The following TMPRSS3 variants were observed in gnomAD, a reference collection of about 807,000 sequenced individuals.
TMPRSS3 encodes the protein transmembrane serine protease 3, also known as transmembrane protease serine 3.
In TMPRSS3, 55 loss-of-function variants were observed where a neutral mutation model predicts 59.6. That is an observed-to-expected ratio of 0.92 (90% CI 0.74 to 1.16). The LOEUF (loss-of-function observed/expected upper bound fraction) is 1.16, where lower values mean the gene tolerates loss of function less well. Among genes scored for constraint, TMPRSS3 ranks in the 50% most tolerant of loss-of-function variants. The pLI is 0.00. For synonymous variants in TMPRSS3, 257 were observed against 237.7 expected (o/e 1.08, Z -0.75); for missense variants, 596 against 579.4 (o/e 1.03, Z -0.29).
Position 42,388,800 on chromosome 21 carries a change from C to A in TMPRSS3, c.322+129G>T. The A allele has an allele frequency of 1.0e-6, 1 of 995,272 alleles. No homozygotes were observed. Among genetic ancestry groups the A allele is most frequent in the South Asian group, 1.3e-5 (1 of 76,552 alleles). The allele number at this position is 995,272 out of a possible 1,614,324, so 61.7% of individuals were successfully genotyped here. ...GCCCAACATGTCTTTGGGCAAACGC[C>A]AGTTCAATCCCAGCTGAAGACATGA... is the stretch of plus-strand genomic sequence containing the variant. On this transcript the variant is annotated intron_variant, in intron 4 of 12. Coordinates refer to ENST00000644384, the MANE Select transcript of TMPRSS3 (RefSeq NM_001256317.3). The surrounding 1 kb of genome is among the most constrained non-coding windows in gnomAD (Gnocchi z 5.1).
chr21:42,385,204 C>T (rs1056734471), intron 6 of TMPRSS3, among the ~76,000 whole-genome samples: 2 of 151,618 alleles, frequency 1.3e-5, no homozygotes, highest in African/African-American at 2.4e-5. Context: ...TATTTCCTTC[C>T]CTTTCTTTAT....
rs148440072 is a variant in TMPRSS3, at chr21:42,388,005, G to A, written c.446+398C>T. 1.5e-3 allele frequency among the ~76,000 whole-genome samples: 224 copies of A among 152,318 alleles called. No homozygotes were observed. Among genetic ancestry groups the A allele is most frequent in the Middle Eastern group, 0.014 (4 of 294 alleles). Reference sequence around the variant, plus strand: ...GGTTCTGTGGGGTTCTTGGGGAAGCGTGCATGGACATTGATGTGACCGCCA... The same window carrying A: ...GGTTCTGTGGGGTTCTTGGGGAAGCATGCATGGACATTGATGTGACCGCCA... On this transcript the variant is annotated intron_variant, in intron 5 of 12. Coordinates refer to ENST00000644384, the MANE Select transcript of TMPRSS3 (RefSeq NM_001256317.3). This position sits in a 1 kb window ranked among gnomAD's most constrained non-coding sequence, Gnocchi z 5.1.
intron 2 of TMPRSS3, 150 bp downstream of exon 2, chr21:42,395,174 A>G (rs1265557808): frequency 1.4e-6 from 1 of 727,110 alleles, no homozygotes; most frequent in East Asian, 2.7e-5. Flanking sequence ...TCTCCCTGAG[A>G]TTCTGCAGAT....
At chr21:42,383,708 A>G (rs1372903589) in intron 7 of TMPRSS3, 1 of 679,526 alleles carries the variant, frequency 1.5e-6, no homozygotes, top group Admixed American at 2.1e-5. Flanking sequence ...AAGGCTCTTC[A>G]GAGTGATGGG....
At chr21:42,381,405 G>A (rs763392347) in intron 9 of TMPRSS3, among the ~76,000 whole-genome samples, 16 of 152,192 alleles carry the variant, frequency 1.1e-4, no homozygotes, top group Non-Finnish European at 1.8e-4. Flanking sequence ...CACACCACCT[G>A]GCCAGCCTGG....
At chr21:42,384,928 T>TG (rs1238690334) in intron 6 of TMPRSS3, among the ~76,000 whole-genome samples, 1 of 151,040 alleles carries the variant, frequency 6.6e-6, no homozygotes, top group African/African-American at 2.4e-5. Flanking sequence ...CATGAGTTGT[T>TG]GGGGAAAACA....
chr21:42,374,571 G>A (rs2052388218), intron 12 of TMPRSS3, among the ~76,000 whole-genome samples: 1 of 152,190 alleles, frequency 6.6e-6, no homozygotes, highest in Admixed American at 6.5e-5. Flanking sequence ...GGTGCCAGAG[G>A]CTGGGGAGAA....
intron 10 of TMPRSS3, among the ~76,000 whole-genome samples, chr21:42,377,917 A>G (rs1362544065): frequency 6.6e-6 from 1 of 152,230 alleles, no homozygotes; most frequent in Non-Finnish European, 1.5e-5. Flanking sequence ...CGAGAAGAAA[A>G]TCGGCAGCGG....
rs948412958 is a variant in TMPRSS3, at chr21:42,385,495, C to T, written c.486G>A (p.Glu162=). 6.2e-7 allele frequency: 1 copy of T among 1,614,102 alleles called. No homozygotes were observed. The highest frequency in any genetic ancestry group is 8.5e-7 in the Non-Finnish European group (1 of 1,180,050). ...SSDNLRVSSL[E]GQFREEFVSI... ...ACACAAACTCCTCCCGGAACTGCCC[C>T]TCCAGCGAGCTCACTCTGAGGTTAT... is the stretch of plus-strand genomic sequence containing the variant. Residue 162 remains glutamate (E), a synonymous_variant, in exon 6 of 13, where the codon GAG becomes GAA. Transcript: ENST00000644384.
chr21:42,380,168 G>A lies in TMPRSS3; in HGVS notation c.997C>T (p.Pro333Ser). Residue 333 changes from proline to serine, a missense_variant, in exon 10 of 13, where the codon CCC (proline) becomes TCC (serine). Coordinates refer to ENST00000644384, the MANE Select transcript of TMPRSS3 (RefSeq NM_001256317.3). ...VCLPNSEENF[P>S]DGKVCWTSGW... ...GACGTCCAGCACACTTTTCCATCGG[G>A]GAAGTTCTCTTCAGAGTTGGGCAGG... 1 of 1,614,116 alleles carries A rather than the reference G, an allele frequency of 6.2e-7. No individual in the cohort carries two copies. The highest frequency in any genetic ancestry group is 8.5e-7 in the Non-Finnish European group (1 of 1,180,032).
intron 5 of TMPRSS3, among the ~76,000 whole-genome samples, chr21:42,385,869 C>A (rs2052626697): frequency 6.6e-6 from 1 of 152,106 alleles, no homozygotes; most frequent in Non-Finnish European, 1.5e-5. Flanking sequence ...ATGCCTTTTG[C>A]TTGGCCTGAA....
rs374108302 is a variant in TMPRSS3 at position 42,372,625 on chromosome 21, C to T, written c.*137G>A. ...GAATCAGATGGAAGGGTGCCTCTTT[C>T]GGGCCTGCTACTGGTGCCGGAACTC... On this transcript the variant is annotated 3_prime_UTR_variant, in exon 13 of 13. Transcript: ENST00000644384. 7.8e-6 allele frequency: 7 copies of T among 892,030 alleles called. No homozygotes were observed. The highest frequency in any genetic ancestry group is 1.7e-5 in the Admixed American group (1 of 58,932). 55.3% of individuals were successfully genotyped at this position (892,030 alleles called of 1,614,324 possible).
At chr21:42,392,945 T>C (rs988041151) in intron 2 of TMPRSS3, among the ~76,000 whole-genome samples, 1 of 152,244 alleles carries the variant, frequency 6.6e-6, no homozygotes, top group African/African-American at 2.4e-5. Context: ...CTGTGCTTGG[T>C]CCTTGAGGAC....
At chr21:42,373,081 T>C (rs1217236917) in intron 12 of TMPRSS3, among the ~76,000 whole-genome samples, 1 of 152,122 alleles carries the variant, frequency 6.6e-6, no homozygotes, top group Non-Finnish European at 1.5e-5. Flanking sequence ...GTCACAACAA[T>C]TTTGTTTTAA....
At chr21:42,390,076 C>G in intron 2 of TMPRSS3, 39 bp from the exon 3 acceptor site, 1 of 1,481,400 alleles carries the variant, frequency 6.8e-7, no homozygotes, top group South Asian at 1.1e-5. Context: ...AGCCACAGAA[C>G]CTGACTTGGA....
Position 42,396,029 on chromosome 21 carries a change from T to A in TMPRSS3, c.-139A>T, listed in dbSNP as rs2052803153. ...CTGGCTTCCCATAAACACAGCCCTT[T>A]CCTGGCTCACACGGGCATGACCTAA... On this transcript the variant is annotated 5_prime_UTR_variant, in exon 1 of 13. Coordinates refer to ENST00000644384, the MANE Select transcript of TMPRSS3 (RefSeq NM_001256317.3). 1.9e-6 allele frequency: 1 copy of A among 518,854 alleles called. No homozygotes were observed. Among genetic ancestry groups the A allele is most frequent in the South Asian group, 1.4e-5 (1 of 71,592 alleles). 32.1% of individuals were successfully genotyped at this position (518,854 alleles called of 1,614,324 possible).
At chr21:42,378,875 T>TTTGA (rs2052473384) in intron 10 of TMPRSS3, among the ~76,000 whole-genome samples, 1 of 109,260 alleles carries the variant, frequency 9.2e-6, no homozygotes, top group African/African-American at 4.0e-5. Flanking sequence ...CTAATTTTTG[T>TTTGA]TTGTTTGTTT....
chr21:42,385,594 C>T (rs756191500), intron 5 of TMPRSS3, 60 bp from the exon 6 acceptor site: 2 of 1,602,942 alleles, frequency 1.2e-6, no homozygotes, highest in Non-Finnish European at 1.7e-6. Flanking sequence ...AAGCATTCAA[C>T]CGATGTGCGA....
At chr21:42,390,183 C>T in intron 2 of TMPRSS3, 146 bp from the exon 3 acceptor site, 1 of 703,632 alleles carries the variant, frequency 1.4e-6, no homozygotes, top group South Asian at 1.5e-5. Context: ...GGGAAAGGGC[C>T]ACCCACCAAG....
Sources: gnomAD v4.1 joint callset for allele counts (sites outside exome capture counted in the v4.1 genomes callset) on GRCh38, gnomAD v4.1.1 for gene constraint, Gnocchi (gnomAD v3.1) non-coding constraint, MANE v1.5 for transcripts, NCBI Gene and HGNC (gene_info 2026-07-23, HGNC 2026-07-21) for gene names.